The following CSNK1G2 variants were observed in gnomAD, a reference collection of about 807,000 sequenced individuals.
CSNK1G2 encodes casein kinase I isoform gamma-2.
A neutral mutation model predicts 48.0 loss-of-function variants in CSNK1G2; 11 were observed. The ratio of observed to expected loss-of-function variants is 0.23; its 90% CI spans 0.14 to 0.38. CSNK1G2 has a LOEUF of 0.38. Ranked by LOEUF, CSNK1G2 falls within the 10% of genes least tolerant of loss-of-function variation. CSNK1G2 has a pLI of 1.00. For missense variants in CSNK1G2, 446 were observed against 595.5 expected (o/e 0.75, Z 2.61); for synonymous variants, 337 against 254.1 (o/e 1.33, Z -3.10).
At chr19:1,961,019 G>T (rs963445595) in intron 1 of CSNK1G2, among the ~76,000 whole-genome samples, 6 of 152,234 alleles carry the variant, frequency 3.9e-5, no homozygotes, top group African/African-American at 9.6e-5. Context: ...GCGGCGGGGC[G>T]TGGGCAGAGG....
chr19:1,970,534 CGAG>C (rs1356924906), intron 2 of CSNK1G2, among the ~76,000 whole-genome samples: 1 of 152,202 alleles, frequency 6.6e-6, no homozygotes, highest in East Asian at 1.9e-4. Context: ...GGAGCAGGGC[CGAG>C]GACTGAGCCT....
chr19:1,953,015 A>G (rs77965237), intron 1 of CSNK1G2: 1 of 390,800 alleles, frequency 2.6e-6, no homozygotes, highest in Non-Finnish European at 4.9e-6. Context: ...ACTCCGTCTG[A>G]AAAAAAAAAC....
intron 1 of CSNK1G2, among the ~76,000 whole-genome samples, chr19:1,947,764 G>C (rs2145499146): frequency 6.6e-6 from 1 of 152,348 alleles, no homozygotes; most frequent in East Asian, 1.9e-4. Context: ...CGTCTGCACA[G>C]GTGTGTGCGT....
At chr19:1,974,347 C>G (rs558125112) in intron 2 of CSNK1G2, among the ~76,000 whole-genome samples, 1 of 152,156 alleles carries the variant, frequency 6.6e-6, no homozygotes, top group Non-Finnish European at 1.5e-5. Flanking sequence ...GGGCTGGATT[C>G]GCCCTTTAGT....
intron 1 of CSNK1G2, among the ~76,000 whole-genome samples, chr19:1,962,104 C>T (rs897753457): frequency 3.3e-5 from 5 of 151,374 alleles, no homozygotes; most frequent in African/African-American, 9.7e-5. Context: ...CCGAGGCAGG[C>T]GGATCACCTG....
At chr19:1,966,768 A>G (rs2015377565) in intron 1 of CSNK1G2, among the ~76,000 whole-genome samples, 1 of 152,178 alleles carries the variant, frequency 6.6e-6, no homozygotes, top group African/African-American at 2.4e-5. Context: ...CGCCCCAACG[A>G]GTCAGCCGCC....
At chr19:1,956,283 G>A (rs942953746) in intron 1 of CSNK1G2, among the ~76,000 whole-genome samples, 3 of 152,198 alleles carry the variant, frequency 2.0e-5, no homozygotes, top group African/African-American at 7.2e-5. Flanking sequence ...GGGGGTTGGG[G>A]CTTGTCATCT....
intron 11 of CSNK1G2, 52 bp downstream of exon 11, chr19:1,980,069 A>G: frequency 1.3e-6 from 2 of 1,594,930 alleles, no homozygotes; most frequent in South Asian, 2.2e-5. Context: ...CTGGGTCCCC[A>G]TGGGGGTGGG....
At chr19:1,976,444 CTG>C (rs1184620307) in intron 2 of CSNK1G2, among the ~76,000 whole-genome samples, 4 of 152,344 alleles carry the variant, frequency 2.6e-5, no homozygotes, top group East Asian at 3.9e-4. Context: ...TGATTGGAAA[CTG>C]TGCTGAAATA....
At position 1,980,324 on chromosome 19, in the gene CSNK1G2, C is replaced by CCTG; in HGVS notation, c.*121_*122insCTG. Reference sequence around the variant, plus strand: ...GCCAGACCCTGGCTGGAAGCCAGAACGCAGACTGCAGGGGCCGCGCCTGGC... The same window carrying CCTG: ...GCCAGACCCTGGCTGGAAGCCAGAACCTGGCAGACTGCAGGGGCCGCGCCTGGC... On this transcript the variant is annotated 3_prime_UTR_variant, in exon 12 of 12. Transcript: ENST00000255641. 1 of 1,266,412 alleles carries CCTG rather than the reference C, an allele frequency of 7.9e-7. No individual in the cohort carries two copies. The highest frequency in any genetic ancestry group is 1.2e-5 in the South Asian group (1 of 80,438). The allele number at this position is 1,266,412 out of a possible 1,614,324, so 78.4% of individuals were successfully genotyped here. A position where few individuals can be genotyped will look rare whatever the true frequency, so the allele number is the denominator to read the frequency against.
intron 1 of CSNK1G2, among the ~76,000 whole-genome samples, chr19:1,955,816 T>C (rs1217544342): frequency 6.6e-6 from 1 of 152,170 alleles, no homozygotes; most frequent in East Asian, 1.9e-4. Context: ...GGCTCAGCTC[T>C]GCAGGGCACA....
intron 1 of CSNK1G2, among the ~76,000 whole-genome samples, chr19:1,967,463 C>T (rs1455667811): frequency 4.6e-5 from 7 of 152,132 alleles, no homozygotes; most frequent in Non-Finnish European, 8.8e-5. Context: ...TAGAATGGGG[C>T]CAGGGGTGGC....
intron 1 of CSNK1G2, among the ~76,000 whole-genome samples, chr19:1,945,011 G>A (rs2014502601): frequency 6.6e-6 from 1 of 152,218 alleles, no homozygotes; most frequent in Non-Finnish European, 1.5e-5. Flanking sequence ...GACATGCCCC[G>A]GGTGGCCAGC....
chr19:1,955,722 C>T (rs4807176), intron 1 of CSNK1G2, among the ~76,000 whole-genome samples: 73,266 of 151,906 alleles, frequency 0.48, 21,288 homozygotes, highest in Non-Finnish European at 0.65. Flanking sequence ...GAGTGCTCAG[C>T]GGACCCCCGT....
At chr19:1,946,547 T>A (rs2014571153) in intron 1 of CSNK1G2, among the ~76,000 whole-genome samples, 1 of 150,718 alleles carries the variant, frequency 6.6e-6, no homozygotes, top group Non-Finnish European at 1.5e-5. Context: ...CGCCTCGGCC[T>A]CCCAAAGTGC....
chr19:1,958,361 G>A (rs947542297), intron 1 of CSNK1G2, among the ~76,000 whole-genome samples: 14 of 151,988 alleles, frequency 9.2e-5, no homozygotes, highest in Non-Finnish European at 1.5e-4. Context: ...AGTGGGGGCC[G>A]TGGGGTTGGT....
At chr19:1,963,528 G>A (rs1354567677) in intron 1 of CSNK1G2, among the ~76,000 whole-genome samples, 1 of 149,890 alleles carries the variant, frequency 6.7e-6, no homozygotes, top group Non-Finnish European at 1.5e-5. Context: ...CTTTCTTTGA[G>A]GCAGTGTCTC....
intron 1 of CSNK1G2, among the ~76,000 whole-genome samples, chr19:1,967,564 G>A (rs189798237): frequency 6.0e-4 from 92 of 152,264 alleles, no homozygotes; most frequent in African/African-American, 1.9e-3. Flanking sequence ...GGCCTCCTGG[G>A]CGGGTACCTG....
intron 1 of CSNK1G2, among the ~76,000 whole-genome samples, chr19:1,956,925 A>G (rs899163203): frequency 1.3e-5 from 2 of 152,204 alleles, no homozygotes; most frequent in African/African-American, 2.4e-5. Flanking sequence ...TTAATCACAC[A>G]TCACTCAGGG....
Sources: allele counts gnomAD v4.1 joint callset (sites outside exome capture counted in the v4.1 genomes callset), GRCh38; gene constraint gnomAD v4.1.1; transcripts MANE v1.5; gene names NCBI Gene and HGNC (gene_info 2026-07-23, HGNC 2026-07-21).